The following MRPL1 variants were observed in gnomAD, a reference collection of about 807,000 sequenced individuals.
MRPL1 encodes the protein large ribosomal subunit protein uL1m.
In MRPL1, 28 loss-of-function variants were observed where a neutral mutation model predicts 38.0. The observed-to-expected ratio is 0.74, with a 90% CI of 0.55 to 1.01. The LOEUF (loss-of-function observed/expected upper bound fraction) is 1.01, where lower values mean the gene tolerates loss of function less well. Ranked by LOEUF, MRPL1 falls within the 50% of genes least tolerant of loss-of-function variation. MRPL1 has a pLI of 0.00. For synonymous variants in MRPL1, 123 were observed against 126.7 expected, an observed-to-expected ratio of 0.97 and a Z score of 0.20; for missense variants, 358 against 389.8, an observed-to-expected ratio of 0.92 and a Z score of 0.69.
intron 7 of MRPL1, among the ~76,000 whole-genome samples, chr4:77,932,658 A>T (rs774944728): frequency 1.3e-5 from 2 of 152,112 alleles, no homozygotes; most frequent in African/African-American, 2.4e-5. Flanking sequence ...TCCTCCCCAG[A>T]TGGGACATCT....
intron 8 of MRPL1, among the ~76,000 whole-genome samples, chr4:77,951,784 T>C (rs1199220107): frequency 6.6e-6 from 1 of 152,208 alleles, no homozygotes; most frequent in Non-Finnish European, 1.5e-5. Flanking sequence ...TTGGTATGTC[T>C]GCATGATCCC....
chr4:77,900,072 T>A (rs1183052573), intron 6 of MRPL1, among the ~76,000 whole-genome samples: 1 of 152,226 alleles, frequency 6.6e-6, no homozygotes, highest in Non-Finnish European at 1.5e-5. Context: ...TTTGTGATAA[T>A]GTATGAAGCA....
In MRPL1 at chr4:77,898,653, G is replaced by C. The variant is rs60318505; in HGVS notation, c.670+4403G>C. Reference sequence around the variant, plus strand: ...TTACAGGTGTGCGCCACCATGCCCAGGTAATTTTTTTTGTATTTTTAGTAG... The same window carrying C: ...TTACAGGTGTGCGCCACCATGCCCACGTAATTTTTTTTGTATTTTTAGTAG... On this transcript the variant is annotated intron_variant, in intron 6 of 8. Coordinates refer to ENST00000315567, the MANE Select transcript of MRPL1 (RefSeq NM_020236.4). 4.1e-4 allele frequency among the ~76,000 whole-genome samples: 62 copies of C among 151,914 alleles called. No individual in the cohort carries two copies. In the East Asian group the frequency reaches 0.012, roughly 29 times the overall value.
chr4:77,883,387 T>C lies in MRPL1; in HGVS notation c.289T>C (p.Tyr97His), dbSNP rs762207822. Residue 97 changes from tyrosine to histidine, a missense_variant, in exon 3 of 9, where the codon TAT (tyrosine) becomes CAT (histidine). Coordinates refer to ENST00000315567, the MANE Select transcript of MRPL1 (RefSeq NM_020236.4). ...AAAACGCTTATACCCGAGACAGATA[T>C]ATGAGGTGGAGAAAGCTGTTCACTT... ...YLKRLYPRQI[Y>H]EVEKAVHLLK... The C allele has an allele frequency of 1.9e-5, 30 of 1,613,868 alleles. No individual in the cohort carries two copies. The highest frequency in any genetic ancestry group is 3.3e-5 in the Admixed American group (2 of 59,990).
rs1735650798 is a variant in MRPL1, at chr4:77,885,357, A to G, written c.486+18A>G. ...TTACAGAGGTGAGTAACTTCCGTCA[A>G]CTATTTATATCATTTAATTTTTTTT... On this transcript the variant is annotated intron_variant, in intron 4 of 8. Transcript: ENST00000315567. 2 of 1,583,952 alleles carry G rather than the reference A, an allele frequency of 1.3e-6. No homozygotes were observed. Among genetic ancestry groups the G allele is most frequent in the Non-Finnish European group, 1.7e-6 (2 of 1,153,146 alleles).
intron 7 of MRPL1, among the ~76,000 whole-genome samples, chr4:77,933,444 A>G (rs571496283): frequency 2.6e-5 from 4 of 152,318 alleles, no homozygotes; most frequent in Admixed American, 6.5e-5. Context: ...CAGGGAACCC[A>G]GAAGTACGGG....
intron 1 of MRPL1, among the ~76,000 whole-genome samples, chr4:77,870,113 C>G (rs1735241606): frequency 6.6e-6 from 1 of 152,092 alleles, no homozygotes; most frequent in Non-Finnish European, 1.5e-5. Flanking sequence ...AGGCTGGGCT[C>G]GAGCTCCTGG....
In MRPL1 at chr4:77,924,010, A is replaced by T. The variant is rs1054940784; in HGVS notation, c.777+14638A>T. On this transcript the variant is annotated intron_variant, in intron 7 of 8. Coordinates refer to ENST00000315567, the MANE Select transcript of MRPL1 (RefSeq NM_020236.4). ...GGTAGGACTCTGTCTCAAAAAAAAAAAAAATAGTTTAATGATACTATACTT... is the reference window on the plus strand; with the variant it reads ...GGTAGGACTCTGTCTCAAAAAAAAATAAAATAGTTTAATGATACTATACTT... Among the ~76,000 whole-genome samples the T allele has an allele frequency of 3.3e-5, 5 of 152,172 alleles. 1 individual carries two copies. Among genetic ancestry groups the T allele is most frequent in the African/African-American group, 1.2e-4 (5 of 41,514 alleles).
chr4:77,914,937 G>A (rs536030975), intron 7 of MRPL1, among the ~76,000 whole-genome samples: 24 of 152,240 alleles, frequency 1.6e-4, no homozygotes, highest in African/African-American at 5.8e-4. Flanking sequence ...AGCTAACAAT[G>A]GTCTTTACAG....
chr4:77,877,058 G>A (rs957871061), intron 2 of MRPL1, among the ~76,000 whole-genome samples: 2 of 152,012 alleles, frequency 1.3e-5, no homozygotes, highest in Non-Finnish European at 2.9e-5. Context: ...GCACCACCAC[G>A]CCCAGCTAAT....
intron 7 of MRPL1, among the ~76,000 whole-genome samples, chr4:77,944,806 C>T (rs910611032): frequency 6.6e-6 from 1 of 152,124 alleles, no homozygotes; most frequent in African/African-American, 2.4e-5. Context: ...ACTTGTGTTT[C>T]TCAGACAACT....
At chr4:77,876,797 C>T (rs1399186532) in intron 2 of MRPL1, among the ~76,000 whole-genome samples, 1 of 152,170 alleles carries the variant, frequency 6.6e-6, no homozygotes, top group Non-Finnish European at 1.5e-5. Flanking sequence ...CATATATCCT[C>T]TATTTGCCAG....
chr4:77,886,428 G>A (rs1385347424), intron 4 of MRPL1, among the ~76,000 whole-genome samples: 1 of 151,912 alleles, frequency 6.6e-6, no homozygotes, highest in Non-Finnish European at 1.5e-5. Flanking sequence ...TCTGCCTCCT[G>A]GGTTCAAGTG....
intron 7 of MRPL1, among the ~76,000 whole-genome samples, chr4:77,931,576 G>A (rs766938523): frequency 6.6e-6 from 1 of 152,210 alleles, no homozygotes; most frequent in Admixed American, 6.5e-5. Context: ...TTTTTCAGGA[G>A]GATGTATATG....
intron 7 of MRPL1, among the ~76,000 whole-genome samples, chr4:77,946,600 AT>A: frequency 6.6e-6 from 1 of 152,310 alleles, no homozygotes; most frequent in East Asian, 1.9e-4. Flanking sequence ...AAAACTATTA[AT>A]TTTGGGAACT....
intron 7 of MRPL1, among the ~76,000 whole-genome samples, chr4:77,937,715 C>T (rs1480354209): frequency 3.9e-5 from 6 of 152,140 alleles, no homozygotes; most frequent in Non-Finnish European, 8.8e-5. Context: ...TTGTTGGCAT[C>T]TTTCTTTAGA....
At chr4:77,894,606 G>T (rs541883080) in intron 6 of MRPL1, among the ~76,000 whole-genome samples, 107 of 152,118 alleles carry the variant, frequency 7.0e-4, no homozygotes, top group South Asian at 2.7e-3. Context: ...ATTTAAAAGT[G>T]TTCAACATAT....
intron 7 of MRPL1, among the ~76,000 whole-genome samples, chr4:77,939,476 C>T (rs1737067624): frequency 6.6e-6 from 1 of 152,068 alleles, no homozygotes; most frequent in African/African-American, 2.4e-5. Flanking sequence ...AGATTTTCTC[C>T]CACTCTTTGG....
At chr4:77,866,497 C>T (rs907140266) in intron 1 of MRPL1, among the ~76,000 whole-genome samples, 1 of 152,128 alleles carries the variant, frequency 6.6e-6, no homozygotes, top group Non-Finnish European at 1.5e-5. Context: ...TGTTGAGTAG[C>T]ACTGGTGTAC....
Sources: gnomAD v4.1 joint callset for allele counts (sites outside exome capture counted in the v4.1 genomes callset) on GRCh38, gnomAD v4.1.1 for gene constraint, MANE v1.5 for transcripts, NCBI Gene and HGNC (gene_info 2026-07-23, HGNC 2026-07-21) for gene names.